PITPNC1: variants seen among roughly 807,000 people sequenced by gnomAD.
PITPNC1 encodes cytoplasmic phosphatidylinositol transfer protein 1.
PITPNC1 carries 18 observed loss-of-function variants against 44.7 expected under a neutral mutation model. That is an observed-to-expected ratio of 0.40 (90% CI 0.28 to 0.60). The LOEUF is 0.60. Among genes scored for constraint, PITPNC1 ranks in the 20% least tolerant of loss-of-function variants. The pLI, the probability that PITPNC1 is intolerant of heterozygous loss-of-function variation, is 0.39. For missense variants in PITPNC1, 290 were observed against 418.4 expected, an observed-to-expected ratio of 0.69 and a Z score of 2.68; for synonymous variants, 141 against 149.6, an observed-to-expected ratio of 0.94 and a Z score of 0.42.
chr17:67,567,788 C>T (rs912152372), intron 4 of PITPNC1, among the ~76,000 whole-genome samples: 2 of 152,056 alleles, frequency 1.3e-5, no homozygotes, highest in African/African-American at 4.8e-5. Context: ...GCCTGGCCAA[C>T]ATGGTGAAAC....
At chr17:67,551,354 T>G (rs753920989) in intron 2 of PITPNC1, among the ~76,000 whole-genome samples, 1 of 152,182 alleles carries the variant, frequency 6.6e-6, no homozygotes, top group Non-Finnish European at 1.5e-5. Context: ...TTAGGTGGAT[T>G]AAAACAACAC....
At chr17:67,432,589 G>A (rs1180995842) in intron 1 of PITPNC1, among the ~76,000 whole-genome samples, 1 of 152,208 alleles carries the variant, frequency 6.6e-6, no homozygotes, top group East Asian at 1.9e-4. Context: ...AAAGGTCCGT[G>A]TATAATTTTT....
intron 1 of PITPNC1, among the ~76,000 whole-genome samples, chr17:67,494,814 A>G (rs957735706): frequency 1.3e-5 from 2 of 152,008 alleles, no homozygotes; most frequent in Non-Finnish European, 2.9e-5. Context: ...TCTACAAAAA[A>G]TACAAAAATT....
At chr17:67,599,866 C>T (rs2041517973) in intron 5 of PITPNC1, among the ~76,000 whole-genome samples, 1 of 152,112 alleles carries the variant, frequency 6.6e-6, no homozygotes, top group African/African-American at 2.4e-5. Context: ...CTGTTCCAAA[C>T]GCATAGCAGT....
At chr17:67,388,479 G>A (rs1056622415) in intron 1 of PITPNC1, among the ~76,000 whole-genome samples, 2 of 151,304 alleles carry the variant, frequency 1.3e-5, no homozygotes, top group African/African-American at 2.4e-5. Flanking sequence ...CCACCACCAC[G>A]CCCGGCTAAT....
intron 1 of PITPNC1, among the ~76,000 whole-genome samples, chr17:67,480,009 C>G (rs140014696): frequency 6.6e-6 from 1 of 152,280 alleles, no homozygotes; most frequent in African/African-American, 2.4e-5. Context: ...GTTTGTTGAA[C>G]AAGTAATTGG....
chr17:67,404,015 C>T (rs1398154622), intron 1 of PITPNC1, among the ~76,000 whole-genome samples: 3 of 152,200 alleles, frequency 2.0e-5, no homozygotes, highest in African/African-American at 7.2e-5. Flanking sequence ...GAGCCAGGCT[C>T]CATCTCAAAA....
chr17:67,445,353 C>T (rs1343797340), intron 1 of PITPNC1, among the ~76,000 whole-genome samples: 3 of 151,890 alleles, frequency 2.0e-5, no homozygotes, highest in Non-Finnish European at 4.4e-5. Context: ...GGAGGAAGAT[C>T]AGAGATACAT....
intron 6 of PITPNC1, among the ~76,000 whole-genome samples, chr17:67,648,536 T>C (rs1479531732): frequency 1.3e-5 from 2 of 152,208 alleles, no homozygotes; most frequent in African/African-American, 2.4e-5. Flanking sequence ...ACTATACTCA[T>C]ATTGCCAAAC....
intron 4 of PITPNC1, among the ~76,000 whole-genome samples, chr17:67,568,143 C>G (rs1350455360): frequency 6.6e-6 from 1 of 152,130 alleles, no homozygotes; most frequent in African/African-American, 2.4e-5. Context: ...TGTAGTATGT[C>G]CGTACAATGG....
At chr17:67,464,465 A>AT (rs1286255625) in intron 1 of PITPNC1, among the ~76,000 whole-genome samples, 3 of 152,128 alleles carry the variant, frequency 2.0e-5, no homozygotes, top group Non-Finnish European at 4.4e-5. Context: ...CCTTTGATTA[A>AT]TTCATTGGTT....
At chr17:67,551,380 C>T (rs1166091942) in intron 2 of PITPNC1, among the ~76,000 whole-genome samples, 8 of 152,178 alleles carry the variant, frequency 5.3e-5, no homozygotes, top group Non-Finnish European at 1.0e-4. Context: ...TATCCTCTAG[C>T]AGTTCTGGGG....
chr17:67,581,691 C>T lies in PITPNC1; in HGVS notation c.366+3434C>T, dbSNP rs189132586. 2.4e-4 allele frequency among the ~76,000 whole-genome samples: 37 copies of T among 152,248 alleles called. 1 individual carries two copies. The highest frequency in any genetic ancestry group is 2.2e-3 in the Admixed American group (33 of 15,290). ...GCCCTCCTCTGTTTTACATATTCAG[C>T]GGCTGTTGGTTGTCCAGCAGATTCA... On this transcript the variant is annotated intron_variant, in intron 5 of 8. Coordinates refer to ENST00000581322, the MANE Select transcript of PITPNC1 (RefSeq NM_012417.4).
intron 5 of PITPNC1, among the ~76,000 whole-genome samples, chr17:67,630,421 C>A (rs2041950472): frequency 6.6e-6 from 1 of 152,164 alleles, no homozygotes; most frequent in African/African-American, 2.4e-5. Flanking sequence ...AGTTCAAGAC[C>A]AGCCTGGCCA....
chr17:67,510,400 T>C (rs910680177), intron 1 of PITPNC1, among the ~76,000 whole-genome samples: 1 of 152,182 alleles, frequency 6.6e-6, no homozygotes, highest in Admixed American at 6.5e-5. Flanking sequence ...ACCCCTTTCC[T>C]TCTCTCCAAG....
intron 6 of PITPNC1, among the ~76,000 whole-genome samples, chr17:67,665,909 C>T (rs2042415946): frequency 1.3e-5 from 2 of 151,118 alleles, no homozygotes; most frequent in African/African-American, 4.9e-5. Context: ...GGCACAATCT[C>T]GGCTCACTGC....
chr17:67,427,463 C>T (rs769664606), intron 1 of PITPNC1, among the ~76,000 whole-genome samples: 26 of 152,116 alleles, frequency 1.7e-4, no homozygotes, highest in Admixed American at 3.9e-4. Flanking sequence ...CCTCCTGCCT[C>T]GGCCTCCCAA....
At chr17:67,488,273 C>G (rs924909074) in intron 1 of PITPNC1, among the ~76,000 whole-genome samples, 2 of 152,232 alleles carry the variant, frequency 1.3e-5, no homozygotes, top group African/African-American at 4.8e-5. Context: ...CTTGGCTCAT[C>G]CTAGGCGTGG....
intron 5 of PITPNC1, among the ~76,000 whole-genome samples, chr17:67,631,635 C>CAAAAAAAAA (rs1374813320): frequency 1.9e-4 from 3 of 15,768 alleles, no homozygotes; most frequent in East Asian, 9.4e-4. Flanking sequence ...TCTCAAAAAC[C>CAAAAAAAAA]AAAAAAAAAA....
Sources: gnomAD v4.1 joint callset for allele counts (sites outside exome capture counted in the v4.1 genomes callset) on GRCh38, gnomAD v4.1.1 for gene constraint, MANE v1.5 for transcripts, NCBI Gene and HGNC (gene_info 2026-07-23, HGNC 2026-07-21) for gene names.